Variants in MTUS2 observed in about 807,000 individuals in gnomAD.
MTUS2 encodes microtubule associated scaffold protein 2, also known as microtubule-associated tumor suppressor candidate 2.
MTUS2 carries 40 observed loss-of-function variants against 114.1 expected under a neutral mutation model. The ratio of observed to expected loss-of-function variants is 0.35; its 90% confidence interval spans 0.27 to 0.46. MTUS2 has a LOEUF of 0.46. MTUS2 is among the 20% of genes least tolerant of loss of function. The pLI is 1.00. For synonymous variants in MTUS2, 688 were observed against 672.0 expected (o/e 1.02, Z -0.37); for missense variants, 1,679 against 1,705.4 (o/e 0.98, Z 0.27).
At chr13:29,299,802 C>G (rs905299480) in intron 6 of MTUS2, among the ~76,000 whole-genome samples, 7 of 152,076 alleles carry the variant, frequency 4.6e-5, no homozygotes, top group African/African-American at 1.7e-4. Flanking sequence ...ATATGCTCCC[C>G]CATTTTTTTC....
chr13:29,309,182 C>G (rs1388578939), intron 6 of MTUS2, among the ~76,000 whole-genome samples: 3 of 152,076 alleles, frequency 2.0e-5, no homozygotes, highest in Non-Finnish European at 4.4e-5. Flanking sequence ...AACCCAAATT[C>G]CCATCAATGA....
Position 29,412,696 on chromosome 13 carries a change from C to T in MTUS2, c.3118-27287C>T, listed in dbSNP as rs1367272337. Among the ~76,000 whole-genome samples the T allele has an allele frequency of 3.3e-5, 5 of 151,994 alleles. No homozygotes were observed. In the East Asian group the frequency reaches 7.7e-4, roughly 23 times the overall value. On this transcript the variant is annotated intron_variant, in intron 8 of 15. Coordinates refer to ENST00000612955, the MANE Select transcript of MTUS2 (RefSeq NM_001033602.4). ...CTTGAGCATAGGAGTTCGAGACCAG[C>T]CTGGGCAACACAGCAAGACCCTGTC...
chr13:29,002,098 A>G (rs1225178525), intron 2 of MTUS2, among the ~76,000 whole-genome samples: 1 of 152,128 alleles, frequency 6.6e-6, no homozygotes, highest in Non-Finnish European at 1.5e-5. Context: ...AAGATAATAA[A>G]TTTGTGTTGT....
intron 4 of MTUS2, among the ~76,000 whole-genome samples, chr13:29,090,060 C>A (rs1889868784): frequency 6.6e-6 from 1 of 152,168 alleles, no homozygotes; most frequent in Non-Finnish European, 1.5e-5. Flanking sequence ...TCTCTATGGG[C>A]TGATATTACT....
At chr13:28,927,606 C>A (rs1383374646) in intron 2 of MTUS2, among the ~76,000 whole-genome samples, 1 of 152,072 alleles carries the variant, frequency 6.6e-6, no homozygotes, top group Non-Finnish European at 1.5e-5. Flanking sequence ...CTTTTAAGTT[C>A]TCTACAATGG....
At chr13:29,174,312 G>T (rs1349237760) in intron 5 of MTUS2, among the ~76,000 whole-genome samples, 2 of 152,140 alleles carry the variant, frequency 1.3e-5, no homozygotes, top group African/African-American at 4.8e-5. Context: ...CACAAAAGAA[G>T]GAGGGTCCCC....
At chr13:29,162,377 C>T (rs1365748983) in intron 5 of MTUS2, among the ~76,000 whole-genome samples, 1 of 152,112 alleles carries the variant, frequency 6.6e-6, no homozygotes. Context: ...ATGTAATTTT[C>T]TTAGATGCAG....
intron 5 of MTUS2, among the ~76,000 whole-genome samples, chr13:29,203,762 C>A (rs59478037): frequency 0.045 from 6,781 of 149,634 alleles, 520 homozygotes; most frequent in African/African-American, 0.16. Context: ...CATGGCTTCC[C>A]TTGGCTAGGG....
chr13:29,450,260 G>T (rs1357634198), intron 9 of MTUS2, among the ~76,000 whole-genome samples: 1 of 152,082 alleles, frequency 6.6e-6, no homozygotes, highest in Non-Finnish European at 1.5e-5. Context: ...TTTCTCGTTG[G>T]TGACCTTGCC....
intron 4 of MTUS2, among the ~76,000 whole-genome samples, chr13:29,054,891 T>C (rs1888060830): frequency 6.6e-6 from 1 of 152,092 alleles, no homozygotes; most frequent in Admixed American, 6.5e-5. Context: ...ATTTCTTAGA[T>C]ACTCTTCTGT....
At chr13:29,246,162 A>T (rs1896918231) in intron 5 of MTUS2, among the ~76,000 whole-genome samples, 1 of 152,248 alleles carries the variant, frequency 6.6e-6, no homozygotes. Context: ...GTGGCAAAAA[A>T]AATAGCAAAG....
chr13:29,305,389 C>A lies in MTUS2; in HGVS notation c.2807-19224C>A, dbSNP rs144817904. 9.9e-5 allele frequency among the ~76,000 whole-genome samples: 15 copies of A among 151,938 alleles called. No individual in the cohort carries two copies. The South Asian group carries it at 1.0e-3, about 11-fold the overall frequency. ...AAAAAAGTAATAAAGAGACAGGCTGCTGGCTAGACTAATAAAGAAGAAAAG... is the reference window on the plus strand; with the variant it reads ...AAAAAAGTAATAAAGAGACAGGCTGATGGCTAGACTAATAAAGAAGAAAAG... On this transcript the variant is annotated intron_variant, in intron 6 of 15. Transcript: ENST00000612955.
At chr13:29,188,996 T>G (rs1029198892) in intron 5 of MTUS2, among the ~76,000 whole-genome samples, 1 of 152,196 alleles carries the variant, frequency 6.6e-6, no homozygotes, top group Admixed American at 6.5e-5. Flanking sequence ...AGTCTGAAAG[T>G]CAGAAATGAT....
chr13:29,171,179 G>A (rs935820516), intron 5 of MTUS2, among the ~76,000 whole-genome samples: 1 of 152,014 alleles, frequency 6.6e-6, no homozygotes, highest in African/African-American at 2.4e-5. Flanking sequence ...TGTTGGGTGG[G>A]TAATTGTAGC....
chr13:29,331,661 C>G (rs752357012), intron 7 of MTUS2, among the ~76,000 whole-genome samples: 21 of 152,154 alleles, frequency 1.4e-4, no homozygotes, highest in Non-Finnish European at 3.1e-4. Flanking sequence ...GTGCTTCCAG[C>G]TTTTGCCCAT....
intron 5 of MTUS2, among the ~76,000 whole-genome samples, chr13:29,146,205 C>T (rs1471841828): frequency 1.3e-5 from 2 of 152,200 alleles, no homozygotes; most frequent in African/African-American, 4.8e-5. Context: ...GGGAGTCTCT[C>T]CTTCACCCTG....
intron 6 of MTUS2, among the ~76,000 whole-genome samples, chr13:29,323,341 C>T (rs1900335296): frequency 6.6e-6 from 1 of 152,030 alleles, no homozygotes. Context: ...GCGCCACCTC[C>T]TGGGTTCACG....
At chr13:29,213,033 T>C (rs2139290346) in intron 5 of MTUS2, among the ~76,000 whole-genome samples, 1 of 151,992 alleles carries the variant, frequency 6.6e-6, no homozygotes, top group South Asian at 2.1e-4. Flanking sequence ...GATGCTTCTG[T>C]TACCCAGGAA....
chr13:28,892,077 A>G (rs956295318), intron 2 of MTUS2, among the ~76,000 whole-genome samples: 1 of 151,976 alleles, frequency 6.6e-6, no homozygotes, highest in Non-Finnish European at 1.5e-5. Flanking sequence ...ACAGCCTTCT[A>G]GGCTTGTAAG....
Sources: gnomAD v4.1 joint callset for allele counts (sites outside exome capture counted in the v4.1 genomes callset) on GRCh38, gnomAD v4.1.1 for gene constraint, MANE v1.5 for transcripts, NCBI Gene and HGNC (gene_info 2026-07-23, HGNC 2026-07-21) for gene names.